STK3: variants seen among roughly 807,000 people sequenced by gnomAD.
STK3 encodes serine/threonine kinase 3, also known as serine/threonine-protein kinase 3.
A neutral mutation model predicts 58.0 loss-of-function variants in STK3; 41 were observed. That is an observed-to-expected ratio of 0.71 (90% CI 0.55 to 0.92). The LOEUF (loss-of-function observed/expected upper bound fraction) is 0.92. Ranked by LOEUF, STK3 falls within the 40% of genes least tolerant of loss-of-function variation. The pLI, the probability that STK3 is intolerant of heterozygous loss-of-function variation, is 0.00. For synonymous variants in STK3, 170 were observed against 191.0 expected, an observed-to-expected ratio of 0.89 and a Z score of 0.91; for missense variants, 479 against 602.7, an observed-to-expected ratio of 0.79 and a Z score of 2.15.
chr8:98,856,424 C>T (rs892060182), intron 3 of STK3, among the ~76,000 whole-genome samples: 1 of 151,418 alleles, frequency 6.6e-6, no homozygotes, highest in African/African-American at 2.4e-5. Flanking sequence ...GAAAGAGATA[C>T]AAATAAATGG....
At chr8:98,650,510 C>A (rs1234416040) in intron 6 of STK3, among the ~76,000 whole-genome samples, 1 of 152,206 alleles carries the variant, frequency 6.6e-6, no homozygotes. Context: ...GTGCAGCGCA[C>A]CATGCGCGAG....
intron 1 of STK3, among the ~76,000 whole-genome samples, chr8:98,929,540 C>G (rs957097282): frequency 2.0e-5 from 3 of 152,164 alleles, no homozygotes; most frequent in African/African-American, 7.2e-5. Context: ...GTCCCAGCTA[C>G]CTGGGAGGCT....
intron 6 of STK3, among the ~76,000 whole-genome samples, chr8:98,614,505 C>T (rs1377559411): frequency 2.0e-5 from 3 of 152,130 alleles, no homozygotes; most frequent in Admixed American, 6.5e-5. Context: ...CCAGCGAGAG[C>T]GATGCAGAAG....
At chr8:98,713,026 A>G (rs559916235) in intron 4 of STK3, among the ~76,000 whole-genome samples, 6,163 of 152,030 alleles carry the variant, frequency 0.041, 140 homozygotes, top group South Asian at 0.06. Flanking sequence ...ACCTGCTCCT[A>G]AATGACTACT....
chr8:98,614,903 C>T (rs989966582), intron 6 of STK3, among the ~76,000 whole-genome samples: 15 of 152,178 alleles, frequency 9.9e-5, no homozygotes, highest in East Asian at 1.9e-4. Context: ...CGCCATTGCC[C>T]GGGCTTGCTT....
intron 1 of STK3, among the ~76,000 whole-genome samples, chr8:98,446,523 T>C (rs1449081517): frequency 6.6e-6 from 1 of 152,196 alleles, no homozygotes; most frequent in African/African-American, 2.4e-5. Flanking sequence ...GTAAGACTTC[T>C]GATCATTAGA....
intron 9 of STK3, among the ~76,000 whole-genome samples, chr8:98,538,165 T>G (rs529202280): frequency 1.6e-4 from 24 of 152,334 alleles, no homozygotes; most frequent in Middle Eastern, 6.8e-3. Flanking sequence ...TTACCTAATT[T>G]GTTCTTCTAA....
chr8:98,350,785 C>A, the STK3 span, among the ~76,000 whole-genome samples: 1 of 152,156 alleles, frequency 6.6e-6, no homozygotes, highest in East Asian at 1.9e-4. Context: ...GGGGAAACTG[C>A]CCCCATGATT....
At chr8:98,859,581 A>G (rs1836850861) in intron 3 of STK3, among the ~76,000 whole-genome samples, 1 of 152,218 alleles carries the variant, frequency 6.6e-6, no homozygotes, top group Non-Finnish European at 1.5e-5. Context: ...GAAACAAGGC[A>G]ACTGACATTG....
chr8:98,742,055 A>G (rs371525822), intron 4 of STK3, among the ~76,000 whole-genome samples: 1 of 151,970 alleles, frequency 6.6e-6, no homozygotes, highest in Non-Finnish European at 1.5e-5. Flanking sequence ...TCTGAATAGA[A>G]CAATAACAGG....
intron 10 of STK3, among the ~76,000 whole-genome samples, chr8:98,480,286 G>A (rs1307289719): frequency 1.3e-5 from 2 of 151,442 alleles, no homozygotes; most frequent in Non-Finnish European, 2.9e-5. Flanking sequence ...AAAAAGTTGT[G>A]AAAGGAGACA....
intron 3 of STK3, among the ~76,000 whole-genome samples, chr8:98,420,001 G>A (rs1015546658): frequency 1.3e-5 from 2 of 152,144 alleles, no homozygotes; most frequent in Non-Finnish European, 2.9e-5. Context: ...TGGGGAAGAC[G>A]CTTTCCAAAC....
intron 6 of STK3, among the ~76,000 whole-genome samples, chr8:98,609,855 G>A (rs1817054550): frequency 6.6e-6 from 1 of 151,906 alleles, no homozygotes; most frequent in African/African-American, 2.4e-5. Context: ...AGCTACTCAG[G>A]AGGCTGAGGC....
chr8:98,384,884 C>T (rs1478934367), intron 1 of STK3, among the ~76,000 whole-genome samples: 2 of 152,174 alleles, frequency 1.3e-5, no homozygotes, highest in East Asian at 3.8e-4. Flanking sequence ...CCTCTCATCA[C>T]GTCATACCTG....
rs1819414013 is a variant in STK3 at position 98,633,578 on chromosome 8, T to C, written c.685-37409A>G. The C allele has an allele frequency of 4.0e-6, 3 of 741,668 alleles. No homozygotes were observed. In the South Asian group the frequency reaches 4.3e-5, roughly 11 times the overall value. 45.9% of individuals were successfully genotyped at this position (741,668 alleles called of 1,614,324 possible). A position where few individuals can be genotyped will look rare whatever the true frequency, so the allele number is the denominator to read the frequency against. On this transcript the variant is annotated intron_variant, in intron 6 of 10. Transcript: ENST00000419617. Reference sequence around the variant, plus strand: ...TCCAGAGGCTCTTCAGGTTCTCCTCTGTCTTTCAGTCAGCAGTCTCAGTCC... The same window carrying C: ...TCCAGAGGCTCTTCAGGTTCTCCTCCGTCTTTCAGTCAGCAGTCTCAGTCC...
intron 10 of STK3, among the ~76,000 whole-genome samples, chr8:98,460,187 A>G (rs868421526): frequency 2.2e-4 from 33 of 152,236 alleles, no homozygotes; most frequent in Admixed American, 1.8e-3. Flanking sequence ...TCTTGCATCA[A>G]TGTGACCCGG....
chr8:98,532,200 T>C (rs978330929), intron 9 of STK3, among the ~76,000 whole-genome samples: 15 of 152,216 alleles, frequency 9.9e-5, no homozygotes, highest in African/African-American at 3.6e-4. Context: ...TAGCTTTTGA[T>C]TTAAAGTGAG....
rs116682656 is a variant in STK3 at position 98,539,219 on chromosome 8, C to T, written c.1141+8750G>A. The stretch of plus-strand genomic sequence containing the variant: ...TCTGGGAGAAAATGTATTTCATGAG[C>T]ATTAAACATTATTAGGCATTTTATT... On this transcript the variant is annotated intron_variant, in intron 9 of 10. Coordinates refer to ENST00000419617, the MANE Select transcript of STK3 (RefSeq NM_006281.4). Among the ~76,000 whole-genome samples, 742 of 152,202 alleles carry T rather than the reference C, an allele frequency of 4.9e-3. 8 individuals carry two copies. The highest frequency in any genetic ancestry group is 0.016 in the African/African-American group (679 of 41,520).
chr8:98,770,743 T>C (rs569433686), intron 2 of STK3, among the ~76,000 whole-genome samples: 1 of 152,258 alleles, frequency 6.6e-6, no homozygotes, highest in African/African-American at 2.4e-5. Context: ...AGATGACAAA[T>C]ATGCCAACAG....
Sources: allele counts gnomAD v4.1 joint callset (sites outside exome capture counted in the v4.1 genomes callset), GRCh38; gene constraint gnomAD v4.1.1; transcripts MANE v1.5; gene names NCBI Gene and HGNC (gene_info 2026-07-23, HGNC 2026-07-21).